KSR1: variants seen among roughly 807,000 people sequenced by gnomAD.
KSR1 encodes kinase suppressor of ras 1.
In KSR1, 35 loss-of-function variants were observed where a neutral mutation model predicts 92.9. The observed-to-expected ratio is 0.38, with a 90% CI of 0.29 to 0.50. KSR1 has a LOEUF of 0.50. Ranked by LOEUF, KSR1 falls within the 20% of genes least tolerant of loss-of-function variation. KSR1 has a pLI of 0.94. For synonymous variants in KSR1, 467 were observed against 472.6 expected, an observed-to-expected ratio of 0.99 and a Z score of 0.15; for missense variants, 972 against 1,158.5, an observed-to-expected ratio of 0.84 and a Z score of 2.34.
chr17:27,561,910 A>G (rs974494879), intron 2 of KSR1, among the ~76,000 whole-genome samples: 2 of 152,080 alleles, frequency 1.3e-5, no homozygotes, highest in African/African-American at 2.4e-5. Flanking sequence ...GAGTGACGCA[A>G]TCTTGGCTCA....
chr17:27,589,042 C>G (rs1277808422), intron 6 of KSR1, among the ~76,000 whole-genome samples: 1 of 152,234 alleles, frequency 6.6e-6, no homozygotes, highest in African/African-American at 2.4e-5. Context: ...TGAGCCTCCA[C>G]AGACCTGGTT....
chr17:27,514,230 C>T (rs770604177), intron 1 of KSR1, among the ~76,000 whole-genome samples: 1 of 152,330 alleles, frequency 6.6e-6, no homozygotes, highest in South Asian at 2.1e-4. Flanking sequence ...TTTATTGGGG[C>T]ACCCCAAAGA....
intron 5 of KSR1, among the ~76,000 whole-genome samples, chr17:27,586,659 C>T (rs1013718432): frequency 1.4e-4 from 21 of 152,170 alleles, no homozygotes; most frequent in East Asian, 9.6e-4. Flanking sequence ...TGTGGTAACA[C>T]GGGGACTGGA....
At position 27,549,699 on chromosome 17, in the gene KSR1, C is replaced by T. The variant is rs1405507291; in HGVS notation, c.232-869C>T. On this transcript the variant is annotated intron_variant, in intron 1 of 20. Transcript: ENST00000644974. ...GCCTACTGGGAATCCGAGTCCAGGA[C>T]CCTGGCCAATACTGCTGCTGCTCAG... is the stretch of plus-strand genomic sequence containing the variant. 2.0e-5 allele frequency among the ~76,000 whole-genome samples: 3 copies of T among 152,292 alleles called. No individual in the cohort carries two copies. In the East Asian group the frequency reaches 5.8e-4, roughly 29 times the overall value.
intron 18 of KSR1, among the ~76,000 whole-genome samples, chr17:27,615,635 G>T (rs574169728): frequency 1.5e-4 from 23 of 152,240 alleles, no homozygotes; most frequent in African/African-American, 5.3e-4. Flanking sequence ...GTTTCTTGTC[G>T]TTGGAATCAA....
intron 10 of KSR1, among the ~76,000 whole-genome samples, chr17:27,598,569 G>A (rs2073429283): frequency 6.6e-6 from 1 of 152,122 alleles, no homozygotes; most frequent in African/African-American, 2.4e-5. Context: ...TCCCCTCCCT[G>A]CATTGAGTGA....
chr17:27,588,307 G>A, intron 5 of KSR1, 168 bp from the exon 6 acceptor site: 2 of 487,576 alleles, frequency 4.1e-6, no homozygotes, highest in Non-Finnish European at 3.5e-6. Context: ...CCATGCCACT[G>A]GGCTAGCCTG....
intron 2 of KSR1, among the ~76,000 whole-genome samples, chr17:27,561,497 C>A (rs983207827): frequency 2.6e-5 from 4 of 152,162 alleles, no homozygotes; most frequent in Admixed American, 6.5e-5. Flanking sequence ...CACACGTCTG[C>A]AAATAACTAG....
chr17:27,613,904 A>G (rs917897091), intron 18 of KSR1, among the ~76,000 whole-genome samples: 11 of 152,192 alleles, frequency 7.2e-5, no homozygotes, highest in Non-Finnish European at 1.5e-4. Context: ...CCCAGGTTCA[A>G]GTGATCTCCC....
chr17:27,556,810 G>T (rs1376606069), intron 2 of KSR1, among the ~76,000 whole-genome samples: 2 of 152,220 alleles, frequency 1.3e-5, no homozygotes, highest in African/African-American at 2.4e-5. Context: ...CCTCTAGGGT[G>T]CCCAGGCCTT....
At chr17:27,608,051 G>C (rs757853918) in intron 15 of KSR1, 41 bp downstream of exon 15, 1 of 1,426,916 alleles carries the variant, frequency 7.0e-7, no homozygotes, top group African/African-American at 1.4e-5. Flanking sequence ...TTTCTGGCCG[G>C]TTCCAGGGCT....
intron 1 of KSR1, among the ~76,000 whole-genome samples, chr17:27,533,184 G>T (rs2948541): frequency 0.25 from 37,478 of 151,940 alleles, 4,861 homozygotes; most frequent in Admixed American, 0.35. Flanking sequence ...CGCATGACAT[G>T]GGACTGTTCC....
intron 1 of KSR1, among the ~76,000 whole-genome samples, chr17:27,476,205 C>T (rs11656683): frequency 0.49 from 73,869 of 152,048 alleles, 19,273 homozygotes; most frequent in East Asian, 0.69. Context: ...CCCTTCTCAG[C>T]GCTCAAGGAT....
intron 3 of KSR1, chr17:27,579,636 GAGGCTGAGGC>G (rs1441271831): frequency 6.6e-6 from 1 of 152,080 alleles, no homozygotes; most frequent in Non-Finnish European, 1.5e-5. Flanking sequence ...CAGCATTTGG[GAGGCTGAGGC>G]AGGCTGATTG....
Position 27,603,728 on chromosome 17 carries a change from T to C in KSR1, c.1511-106T>C. On this transcript the variant is annotated intron_variant, in intron 11 of 20. Coordinates refer to ENST00000644974, the MANE Select transcript of KSR1 (RefSeq NM_001394583.1). ...GTCTGGGGAACATGTGGCAGTCCAC[T>C]CAGGGGAAAATCAGCCTCTCTGGGG... is the stretch of plus-strand genomic sequence containing the variant. 2.7e-6 allele frequency: 3 copies of C among 1,129,486 alleles called. No homozygotes were observed. In the South Asian group the frequency reaches 3.9e-5, roughly 15 times the overall value. The allele number at this position is 1,129,486 out of a possible 1,614,324, so 70.0% of individuals were successfully genotyped here.
At chr17:27,555,175 C>T (rs185591263) in intron 2 of KSR1, among the ~76,000 whole-genome samples, 23 of 152,276 alleles carry the variant, frequency 1.5e-4, no homozygotes, top group Non-Finnish European at 7.3e-5. Context: ...AATTTCATGA[C>T]GTTGACACTA....
chr17:27,581,677 C>A (rs929277600), intron 3 of KSR1, among the ~76,000 whole-genome samples: 1 of 152,166 alleles, frequency 6.6e-6, no homozygotes, highest in Admixed American at 6.5e-5. Context: ...TGCAGAGCCC[C>A]CTGTCCTGGC....
In KSR1 at chr17:27,566,860, A is replaced by C. The variant is rs145868629; in HGVS notation, c.373-10632A>C. 1.3e-3 allele frequency among the ~76,000 whole-genome samples: 201 copies of C among 152,298 alleles called. 6 individuals carry two copies. In the East Asian group the frequency reaches 0.037, roughly 28 times the overall value. ...AGTAGGACACACACTTGTTCTGAGC[A>C]TGCTGCTTTTTTACAGGGAGCTTAA... On this transcript the variant is annotated intron_variant, in intron 2 of 20. Transcript: ENST00000644974.
chr17:27,530,824 C>CG (rs1480493698), intron 1 of KSR1, among the ~76,000 whole-genome samples: 1 of 152,142 alleles, frequency 6.6e-6, no homozygotes, highest in Non-Finnish European at 1.5e-5. Context: ...ACTTTGTGTG[C>CG]GAGGTTTTGC....
Sources: gnomAD v4.1 joint callset for allele counts (sites outside exome capture counted in the v4.1 genomes callset) on GRCh38, gnomAD v4.1.1 for gene constraint, MANE v1.5 for transcripts, NCBI Gene and HGNC (gene_info 2026-07-23, HGNC 2026-07-21) for gene names.